RASA2: variants seen among roughly 807,000 people sequenced by gnomAD.
RASA2 encodes the protein ras GTPase-activating protein 2.
A neutral mutation model predicts 118.2 loss-of-function variants in RASA2; 155 were observed. That is an observed-to-expected ratio of 1.31 (90% CI 1.15 to 1.50). RASA2 has a LOEUF of 1.50. Among genes scored for constraint, RASA2 ranks in the 40% most tolerant of loss-of-function variants. The probability of loss-of-function intolerance (pLI) is 0.00; values close to 1 mark genes in which losing one functional copy is unlikely to be tolerated. For missense variants in RASA2, 1,016 were observed against 1,009.6 expected (o/e 1.01, Z -0.09); for synonymous variants, 353 against 349.1 (o/e 1.01, Z -0.12).
chr3:141,555,883 C>G lies in RASA2; in HGVS notation c.655C>G (p.Pro219Ala). 6.2e-7 allele frequency: 1 copy of G among 1,611,688 alleles called. No individual in the cohort carries two copies. Among genetic ancestry groups the G allele is most frequent in the Non-Finnish European group, 8.5e-7 (1 of 1,178,870 alleles). Residue 219 changes from proline (P) to alanine (A), a missense_variant, in exon 7 of 24, where the codon CCG (proline) becomes GCG (alanine). Transcript: ENST00000286364. Reference protein sequence around the residue: ...KTKVKKKTSNPQFNEIFYFEV... With the variant: ...KTKVKKKTSNAQFNEIFYFEV... ...AAAAGTAAAGAAGAAAACAAGCAAT[C>G]CGCAGTTTAATGAAATCTTTTATTT...
chr3:141,499,261 T>C (rs1381172070), intron 1 of RASA2, among the ~76,000 whole-genome samples: 1 of 152,238 alleles, frequency 6.6e-6, no homozygotes, highest in Non-Finnish European at 1.5e-5. Flanking sequence ...ATGCGTTTAC[T>C]TTGACTTTGT....
At chr3:141,556,404 TG>T (rs1388085379) in intron 7 of RASA2, among the ~76,000 whole-genome samples, 3 of 152,200 alleles carry the variant, frequency 2.0e-5, no homozygotes, top group Admixed American at 1.3e-4. Context: ...TCAGAGTTTT[TG>T]TAAGACCCAA....
chr3:141,587,235 G>A (rs973927875), intron 19 of RASA2, among the ~76,000 whole-genome samples: 2 of 152,160 alleles, frequency 1.3e-5, no homozygotes, highest in African/African-American at 2.4e-5. Flanking sequence ...TAACCCCAAG[G>A]TGGATGACTT....
At chr3:141,572,333 C>A (rs2082937497) in intron 11 of RASA2, among the ~76,000 whole-genome samples, 1 of 152,132 alleles carries the variant, frequency 6.6e-6, no homozygotes, top group Non-Finnish European at 1.5e-5. Context: ...TTCAAGCGAT[C>A]CACCTGCTTC....
intron 4 of RASA2, among the ~76,000 whole-genome samples, chr3:141,538,965 T>G (rs1346854638): frequency 6.6e-6 from 1 of 152,210 alleles, no homozygotes; most frequent in Non-Finnish European, 1.5e-5. Context: ...TCCCAGACAT[T>G]TCCTGAGAGA....
At chr3:141,548,760 G>A (rs542290569) in intron 5 of RASA2, among the ~76,000 whole-genome samples, 1 of 152,156 alleles carries the variant, frequency 6.6e-6, no homozygotes, top group East Asian at 1.9e-4. Context: ...TTGAACTTTA[G>A]TGAGACCTCC....
intron 15 of RASA2, among the ~76,000 whole-genome samples, 200 bp from the exon 16 acceptor site, chr3:141,580,168 A>G (rs927157924): frequency 1.4e-5 from 2 of 140,738 alleles, no homozygotes; most frequent in African/African-American, 5.2e-5. Context: ...AGAATTGTTA[A>G]TTATATATGG....
intron 1 of RASA2, among the ~76,000 whole-genome samples, chr3:141,490,293 GC>G (rs1339311159): frequency 1.5e-5 from 2 of 137,424 alleles, no homozygotes; most frequent in East Asian, 4.2e-4. Flanking sequence ...TAGCAAGTAT[GC>G]TAGAACACCT....
At chr3:141,601,695 G>C (rs947965020) in intron 19 of RASA2, among the ~76,000 whole-genome samples, 2 of 152,010 alleles carry the variant, frequency 1.3e-5, no homozygotes, top group Non-Finnish European at 2.9e-5. Context: ...TCAAGAGCTT[G>C]TTGGGGTTTG....
chr3:141,545,820 A>C (rs1577713950), intron 5 of RASA2, among the ~76,000 whole-genome samples: 1 of 151,794 alleles, frequency 6.6e-6, no homozygotes, highest in African/African-American at 2.4e-5. Flanking sequence ...TAAATACGAG[A>C]TCTTATCCAT....
In RASA2 at chr3:141,612,266, CT is replaced by C; in HGVS notation, c.2520-10del. 2.6e-6 allele frequency: 4 copies of C among 1,566,730 alleles called. No homozygotes were observed. The highest frequency in any genetic ancestry group is 1.7e-6 in the Non-Finnish European group (2 of 1,143,252). Reference sequence around the variant, plus strand: ...GTATTTCTTAAATTTTGAAAAATGACTTTTTTTCTTCTCTAGGGAAAATCCA... The same window carrying C: ...GTATTTCTTAAATTTTGAAAAATGACTTTTTTCTTCTCTAGGGAAAATCCA... On this transcript the variant is annotated splice_polypyrimidine_tract_variant and intron_variant, in intron 23 of 23. Coordinates refer to ENST00000286364, the MANE Select transcript of RASA2 (RefSeq NM_006506.5).
chr3:141,573,004 A>G (rs2082948689), intron 12 of RASA2, 143 bp from the exon 13 acceptor site: 3 of 709,100 alleles, frequency 4.2e-6, no homozygotes, highest in African/African-American at 1.9e-5. Flanking sequence ...AGAAAATTGT[A>G]TATGTTATCC....
chr3:141,577,487 A>C (rs935167832), intron 15 of RASA2, among the ~76,000 whole-genome samples: 3 of 152,118 alleles, frequency 2.0e-5, no homozygotes, highest in Non-Finnish European at 4.4e-5. Context: ...TGATTTATTA[A>C]AATAGGTTAA....
At chr3:141,493,110 G>A (rs946231088) in intron 1 of RASA2, among the ~76,000 whole-genome samples, 1 of 152,152 alleles carries the variant, frequency 6.6e-6, no homozygotes, top group African/African-American at 2.4e-5. Context: ...GGCCTGTTCG[G>A]CACTAGTCCA....
At chr3:141,559,835 G>C in intron 8 of RASA2, 59 bp from the exon 9 acceptor site, 1 of 1,362,812 alleles carries the variant, frequency 7.3e-7, no homozygotes, top group Non-Finnish European at 1.0e-6. Flanking sequence ...AAGCTGTTTT[G>C]TGGTGTGAAC....
At chr3:141,488,423 T>TC (rs2081604132) in intron 1 of RASA2, among the ~76,000 whole-genome samples, 1 of 152,182 alleles carries the variant, frequency 6.6e-6, no homozygotes, top group Admixed American at 6.5e-5. Flanking sequence ...AATTTTCCTC[T>TC]CCTCTAATAC....
At chr3:141,567,060 A>AT (rs1221708140) in intron 9 of RASA2, among the ~76,000 whole-genome samples, 1 of 152,158 alleles carries the variant, frequency 6.6e-6, no homozygotes, top group Non-Finnish European at 1.5e-5. Context: ...GGGCTTTGTA[A>AT]TTTTAAACTT....
At chr3:141,595,365 G>A (rs535663451) in intron 19 of RASA2, among the ~76,000 whole-genome samples, 1 of 152,208 alleles carries the variant, frequency 6.6e-6, no homozygotes, top group African/African-American at 2.4e-5. Flanking sequence ...ATATATCCAC[G>A]TTAAATATAT....
At chr3:141,551,085 A>G (rs1011749073) in intron 5 of RASA2, among the ~76,000 whole-genome samples, 2 of 152,054 alleles carry the variant, frequency 1.3e-5, no homozygotes, top group African/African-American at 2.4e-5. Flanking sequence ...TCTTTTCATT[A>G]TGGATCATAA....
Sources: allele counts gnomAD v4.1 joint callset (sites outside exome capture counted in the v4.1 genomes callset), GRCh38; gene constraint gnomAD v4.1.1; transcripts MANE v1.5; gene names NCBI Gene and HGNC (gene_info 2026-07-23, HGNC 2026-07-21).